ZZZ3: variants seen among roughly 807,000 people sequenced by gnomAD.
ZZZ3 encodes ZZ-type zinc finger-containing protein 3.
ZZZ3 carries 22 observed loss-of-function variants against 95.2 expected under a neutral mutation model. That is an observed-to-expected ratio of 0.23 (90% CI 0.17 to 0.33). The LOEUF (loss-of-function observed/expected upper bound fraction) is 0.33. Ranked by LOEUF, ZZZ3 falls within the 10% of genes least tolerant of loss-of-function variation. The pLI, the probability that ZZZ3 is intolerant of heterozygous loss-of-function variation, is 1.00. For missense variants in ZZZ3, 885 were observed against 1,066.5 expected (o/e 0.83, Z 2.37); for synonymous variants, 335 against 358.9 (o/e 0.93, Z 0.75).
intron 4 of ZZZ3, among the ~76,000 whole-genome samples, chr1:77,635,485 C>T (rs973415632): frequency 2.0e-5 from 3 of 152,154 alleles, no homozygotes; most frequent in East Asian, 3.8e-4. Flanking sequence ...ATTTAATTAT[C>T]GTTTGCTAAT....
intron 4 of ZZZ3, among the ~76,000 whole-genome samples, chr1:77,639,233 C>T (rs1307547465): frequency 6.6e-6 from 1 of 151,624 alleles, no homozygotes; most frequent in Non-Finnish European, 1.5e-5. Context: ...CATAATCAGT[C>T]ACTTCATTTA....
chr1:77,577,039 A>C (rs1157839277), intron 11 of ZZZ3, among the ~76,000 whole-genome samples: 1 of 152,254 alleles, frequency 6.6e-6, no homozygotes, highest in Non-Finnish European at 1.5e-5. Context: ...CCAGGATTAT[A>C]AACTAGGCCT....
At chr1:77,581,752 A>G (rs1189735372) in intron 8 of ZZZ3, 24 bp downstream of exon 8, 2 of 1,530,930 alleles carry the variant, frequency 1.3e-6, no homozygotes, top group Non-Finnish European at 1.8e-6. Flanking sequence ...AAATTCTCCT[A>G]CTCCAATATT....
intron 1 of ZZZ3, among the ~76,000 whole-genome samples, chr1:77,648,221 T>G (rs1412261278): frequency 6.6e-6 from 1 of 151,738 alleles, no homozygotes; most frequent in Non-Finnish European, 1.5e-5. Flanking sequence ...TTGTGGCACA[T>G]GCCTGTAGTC....
At position 77,671,037 on chromosome 1, in the gene ZZZ3, A is replaced by G. The variant is rs1048587932; in HGVS notation, c.-403+11548T>C. ...GGGTGGTGGGGGTTGTTTTTTTTAA[A>G]AAAAAAAAAACTTCTGTGAGGACAT... On this transcript the variant is annotated intron_variant, in intron 1 of 14. Transcript: ENST00000370801. Among the ~76,000 whole-genome samples, 39 of 151,750 alleles carry G rather than the reference A, an allele frequency of 2.6e-4. 1 individual carries two copies. Among genetic ancestry groups the G allele is most frequent in the African/African-American group, 2.4e-4 (10 of 41,298 alleles).
chr1:77,636,781 A>G (rs1324302824), intron 4 of ZZZ3, among the ~76,000 whole-genome samples: 1 of 151,744 alleles, frequency 6.6e-6, no homozygotes, highest in African/African-American at 2.4e-5. Context: ...TGATTAAAAT[A>G]TGAAAACACT....
intron 11 of ZZZ3, among the ~76,000 whole-genome samples, 196 bp from the exon 12 acceptor site, chr1:77,576,416 T>C (rs1661951868): frequency 6.6e-6 from 1 of 152,176 alleles, no homozygotes; most frequent in African/African-American, 2.4e-5. Context: ...TTTTTTTAAA[T>C]GTAGGGGAAA....
intron 13 of ZZZ3, 78 bp from the exon 14 acceptor site, chr1:77,566,259 G>T (rs534523495): frequency 1.0e-6 from 1 of 957,324 alleles, no homozygotes; most frequent in Non-Finnish European, 1.6e-6. Context: ...GGAAACACAT[G>T]ATGTGCACAC....
chr1:77,575,876 G>T (rs1661879860), intron 12 of ZZZ3, among the ~76,000 whole-genome samples, 192 bp downstream of exon 12: 1 of 152,168 alleles, frequency 6.6e-6, no homozygotes, highest in African/African-American at 2.4e-5. Context: ...GTTGATAATT[G>T]TTAAGGTTCA....
In ZZZ3 at chr1:77,564,549, T is replaced by G. The variant is rs1164920080; in HGVS notation, c.*1091A>C. ...CCACATAGTTTATTTCTCACAGTTCTCCTGACAAATGAACATCATTCAAGA... is the reference window on the plus strand; with the variant it reads ...CCACATAGTTTATTTCTCACAGTTCGCCTGACAAATGAACATCATTCAAGA... On this transcript the variant is annotated 3_prime_UTR_variant, in exon 15 of 15. Coordinates refer to ENST00000370801, the MANE Select transcript of ZZZ3 (RefSeq NM_015534.6). The G allele has an allele frequency of 6.6e-6, 1 of 152,446 alleles. No homozygotes were observed. Among genetic ancestry groups the G allele is most frequent in the African/African-American group, 2.4e-5 (1 of 41,412 alleles). 9.4% of individuals were successfully genotyped at this position (152,446 alleles called of 1,614,324 possible). A position where few individuals can be genotyped will look rare whatever the true frequency, so the allele number is the denominator to read the frequency against.
At chr1:77,639,392 A>G in intron 4 of ZZZ3, 57 bp downstream of exon 4, 3 of 1,414,670 alleles carry the variant, frequency 2.1e-6, no homozygotes, top group East Asian at 2.7e-5. Flanking sequence ...CAAAAAAAAA[A>G]AAGAAGAAGA....
At chr1:77,627,848 C>T (rs1356433383) in intron 5 of ZZZ3, among the ~76,000 whole-genome samples, 1 of 152,184 alleles carries the variant, frequency 6.6e-6, no homozygotes, top group Non-Finnish European at 1.5e-5. Flanking sequence ...ACCCCCTTAT[C>T]TGTTCATGAA....
At chr1:77,629,355 T>G (rs1406097767) in intron 5 of ZZZ3, among the ~76,000 whole-genome samples, 1 of 152,200 alleles carries the variant, frequency 6.6e-6, no homozygotes, top group African/African-American at 2.4e-5. Context: ...AGGTGGTTCA[T>G]GCCTGTAATC....
intron 1 of ZZZ3, among the ~76,000 whole-genome samples, chr1:77,646,740 A>C (rs772307461): frequency 2.6e-5 from 4 of 152,200 alleles, no homozygotes; most frequent in Non-Finnish European, 4.4e-5. Flanking sequence ...GACAGTGATC[A>C]ATGAAAGAGA....
In ZZZ3 at chr1:77,606,962, C is replaced by T. The variant is rs1031959239; in HGVS notation, c.1506-22307G>A. Among the ~76,000 whole-genome samples the T allele has an allele frequency of 4.6e-5, 7 of 152,188 alleles. No individual in the cohort carries two copies. In the South Asian group the frequency reaches 1.5e-3, roughly 32 times the overall value. ...ATCTACTACAAGCATCAAGCCAACA[C>T]AGGAAAACAGAACCTCACCAAATGA... On this transcript the variant is annotated intron_variant, in intron 5 of 14. Transcript: ENST00000370801.
chr1:77,665,914 G>A (rs898046172), intron 1 of ZZZ3, among the ~76,000 whole-genome samples: 4 of 152,076 alleles, frequency 2.6e-5, no homozygotes, highest in East Asian at 1.9e-4. Context: ...GGTGGCACAC[G>A]CCTGTAATCT....
rs780519195 is a variant in ZZZ3 at position 77,632,431 on chromosome 1, C to T, written c.924G>A (p.Gln308=). The T allele has an allele frequency of 3.1e-6, 5 of 1,614,144 alleles. No homozygotes were observed. The highest frequency in any genetic ancestry group is 1.7e-5 in the Admixed American group (1 of 60,006). ...CCTCCTCAGAATCCCTTAAAGATGA[C>T]TGAGTTTCAGAAAAGGGCCCTGTAG... ...EPATGPFSET[Q]SSLRDSEEEV... is the part of the protein sequence containing the mutation. The change falls in exon 5 of 15, where the codon CAG becomes CAA. Residue 308 remains glutamine (Q), a synonymous_variant. Coordinates refer to ENST00000370801, the MANE Select transcript of ZZZ3 (RefSeq NM_015534.6).
rs760166190 is a variant in ZZZ3, at chr1:77,632,761, G to C, written c.594C>G (p.Gly198=). 2.5e-5 allele frequency: 41 copies of C among 1,614,062 alleles called. No homozygotes were observed. Among genetic ancestry groups the C allele is most frequent in the Non-Finnish European group, 3.4e-5 (40 of 1,180,042 alleles). ...CATCAACACCATTGACAGCCAAATA[G>C]CCTGTGATTTCTTCAACTACTGCAG... is the stretch of plus-strand genomic sequence containing the variant. The part of the protein sequence containing the change: ...LNSAVVEEIT[G]YLAVNGVDDS... The change falls in exon 5 of 15, where the codon GGC becomes GGG. Residue 198 remains glycine (G), a synonymous_variant. Transcript: ENST00000370801.
intron 5 of ZZZ3, among the ~76,000 whole-genome samples, chr1:77,624,978 A>G (rs1312166999): frequency 1.3e-5 from 2 of 152,222 alleles, no homozygotes; most frequent in Non-Finnish European, 2.9e-5. Flanking sequence ...TGGTCACAGA[A>G]GTGTTGAGTG....
Sources: gnomAD v4.1 joint callset for allele counts (sites outside exome capture counted in the v4.1 genomes callset) on GRCh38, gnomAD v4.1.1 for gene constraint, MANE v1.5 for transcripts, NCBI Gene and HGNC (gene_info 2026-07-23, HGNC 2026-07-21) for gene names.